Variants in SCAF8 observed in about 807,000 individuals in gnomAD.
SCAF8 encodes the protein SR-related and CTD-associated factor 8.
Under a neutral mutation model 140.5 loss-of-function variants are expected in SCAF8, and 23 were observed. The observed-to-expected ratio is 0.16, with a 90% CI of 0.12 to 0.23. The LOEUF (loss-of-function observed/expected upper bound fraction) is 0.23, where lower values mean the gene tolerates loss of function less well. Among genes scored for constraint, SCAF8 ranks in the 10% least tolerant of loss-of-function variants. The pLI, the probability that SCAF8 is intolerant of heterozygous loss-of-function variation, is 1.00. For synonymous variants in SCAF8, 575 were observed against 528.9 expected, an observed-to-expected ratio of 1.09 and a Z score of -1.20; for missense variants, 1,397 against 1,555.7, an observed-to-expected ratio of 0.90 and a Z score of 1.72.
intron 1 of SCAF8, among the ~76,000 whole-genome samples, chr6:154,759,663 A>AT (rs1779049747): frequency 8.3e-6 from 1 of 120,030 alleles, no homozygotes; most frequent in Non-Finnish European, 1.7e-5. Flanking sequence ...ATGTCATAAT[A>AT]ATTTTTTTTT....
chr6:154,764,297 G>A (rs1161948357), intron 1 of SCAF8, among the ~76,000 whole-genome samples: 3 of 143,288 alleles, frequency 2.1e-5, no homozygotes, highest in Admixed American at 7.1e-5. Flanking sequence ...TTTTTGAGAC[G>A]GAGTCTCGCT....
At chr6:154,803,443 GA>G in intron 7 of SCAF8, 100 bp from the exon 8 acceptor site, 1 of 773,192 alleles carries the variant, frequency 1.3e-6, no homozygotes, top group Non-Finnish European at 2.3e-6. Context: ...CACATTAAAT[GA>G]TAGATATAAC....
At chr6:154,817,402 G>A (rs1460288494) in intron 13 of SCAF8, among the ~76,000 whole-genome samples, 1 of 152,152 alleles carries the variant, frequency 6.6e-6, no homozygotes, top group Admixed American at 6.5e-5. Flanking sequence ...ATTATGTTTT[G>A]AGAGCATAGT....
At chr6:154,743,087 G>T (rs1266349892) in intron 1 of SCAF8, among the ~76,000 whole-genome samples, 1 of 152,112 alleles carries the variant, frequency 6.6e-6, no homozygotes, top group Non-Finnish European at 1.5e-5. Context: ...CTGCAGAGCT[G>T]GGGAGGCTGT....
chr6:154,783,804 A>G (rs1272763890), intron 3 of SCAF8, among the ~76,000 whole-genome samples: 2 of 152,130 alleles, frequency 1.3e-5, no homozygotes, highest in Non-Finnish European at 2.9e-5. Context: ...GCAGTGGCTC[A>G]CGCCTATAAT....
intron 1 of SCAF8, among the ~76,000 whole-genome samples, chr6:154,754,353 T>G (rs1398613928): frequency 6.6e-6 from 1 of 152,226 alleles, no homozygotes; most frequent in Non-Finnish European, 1.5e-5. Context: ...GTCACCACAG[T>G]CATCCATCAT....
At chr6:154,817,376 C>T (rs765685444) in intron 13 of SCAF8, among the ~76,000 whole-genome samples, 3 of 152,170 alleles carry the variant, frequency 2.0e-5, no homozygotes, top group Non-Finnish European at 2.9e-5. Context: ...TTTGCCTTAT[C>T]CCTCTCCTTT....
At chr6:154,741,829 C>T (rs1317213046) in intron 1 of SCAF8, 1 of 617,694 alleles carries the variant, frequency 1.6e-6, no homozygotes, top group Non-Finnish European at 2.9e-6. Flanking sequence ...CAACTTCTAA[C>T]TCATAATGGT....
At chr6:154,770,990 C>CAAAAG (rs1776748884) in intron 1 of SCAF8, among the ~76,000 whole-genome samples, 2 of 152,162 alleles carry the variant, frequency 1.3e-5, no homozygotes, top group African/African-American at 2.4e-5. Flanking sequence ...AGTGATCCAC[C>CAAAAG]TGCCTTGGCC....
intron 1 of SCAF8, among the ~76,000 whole-genome samples, chr6:154,769,954 T>G (rs906178224): frequency 6.6e-6 from 1 of 152,170 alleles, no homozygotes; most frequent in Admixed American, 6.5e-5. Context: ...TTTGGGAAAT[T>G]GACCTTTACT....
intron 3 of SCAF8, among the ~76,000 whole-genome samples, chr6:154,781,666 A>G (rs1044003510): frequency 2.6e-5 from 4 of 152,190 alleles, no homozygotes; most frequent in African/African-American, 9.6e-5. Flanking sequence ...CAGGGTATGA[A>G]TTTACCACAG....
rs148674564 is a variant in SCAF8 at position 154,801,127 on chromosome 6, A to G, written c.607-844A>G. ...TGTAAAGGGGAAATACGGTGTTTCT[A>G]TCATTTTAATAGTTTTATAGAAAAT... On this transcript the variant is annotated intron_variant, in intron 6 of 19. Transcript: ENST00000367178. 7.7e-4 allele frequency among the ~76,000 whole-genome samples: 116 copies of G among 151,608 alleles called. 3 individuals carry two copies. The highest frequency in any genetic ancestry group is 1.8e-3 in the Admixed American group (28 of 15,248).
At position 154,779,328 on chromosome 6, in the gene SCAF8, C is replaced by T. The variant is rs1446906274; in HGVS notation, c.159+1283C>T. ...CTGGGATTATAGGCGTGAGCCACTG[C>T]GCCCAGCCATAAAGTTTTAATGTCT... On this transcript the variant is annotated intron_variant, in intron 3 of 19. Coordinates refer to ENST00000367178, the MANE Select transcript of SCAF8 (RefSeq NM_014892.5). Among the ~76,000 whole-genome samples the T allele has an allele frequency of 3.3e-5, 5 of 152,234 alleles. No homozygotes were observed. In the East Asian group the frequency reaches 5.8e-4, roughly 18 times the overall value.
rs529921130 is a variant in SCAF8, at chr6:154,777,168, G to A, written c.115-833G>A. ...TGCACACCAGCCTGGGTGACAGAGT[G>A]AGAGTGTGTCTCCAAGGGGAAAAAA... On this transcript the variant is annotated intron_variant, in intron 2 of 19. Transcript: ENST00000367178. Among the ~76,000 whole-genome samples the A allele has an allele frequency of 6.3e-4, 95 of 151,882 alleles. 5 individuals carry two copies. In the South Asian group the frequency reaches 0.017, roughly 27 times the overall value.
chr6:154,814,815 AG>A (rs1255712293), intron 12 of SCAF8, among the ~76,000 whole-genome samples: 1 of 152,200 alleles, frequency 6.6e-6, no homozygotes, highest in Non-Finnish European at 1.5e-5. Context: ...ATATTTGTTA[AG>A]GGGATGTGGC....
intron 6 of SCAF8, among the ~76,000 whole-genome samples, chr6:154,797,403 T>G (rs2114889644): frequency 6.6e-6 from 1 of 151,610 alleles, no homozygotes; most frequent in African/African-American, 2.4e-5. Context: ...CAGTGATTTT[T>G]TTTTTCTTTT....
chr6:154,808,429 TC>T (rs1554262737), intron 10 of SCAF8, among the ~76,000 whole-genome samples: 1 of 151,446 alleles, frequency 6.6e-6, no homozygotes, highest in Non-Finnish European at 1.5e-5. Context: ...TTGTAAACTT[TC>T]TTAAAACAAT....
chr6:154,792,322 T>G (rs1463735925), intron 4 of SCAF8, among the ~76,000 whole-genome samples: 1 of 152,246 alleles, frequency 6.6e-6, no homozygotes, highest in Admixed American at 6.5e-5. Context: ...AATTCTTACA[T>G]GAGGAAATGC....
At chr6:154,796,424 G>C (rs1163792796) in intron 6 of SCAF8, among the ~76,000 whole-genome samples, 1 of 121,116 alleles carries the variant, frequency 8.3e-6, no homozygotes, top group East Asian at 2.9e-4. Flanking sequence ...TCAAATTCAC[G>C]CTATCCTTTG....
Sources: allele counts gnomAD v4.1 joint callset (sites outside exome capture counted in the v4.1 genomes callset), GRCh38; gene constraint gnomAD v4.1.1; transcripts MANE v1.5; gene names NCBI Gene and HGNC (gene_info 2026-07-23, HGNC 2026-07-21).